DNER: variants seen among roughly 807,000 people sequenced by gnomAD.
DNER encodes the protein delta/notch like EGF repeat containing.
A neutral mutation model predicts 78.2 loss-of-function variants in DNER; 33 were observed. That is an observed-to-expected ratio of 0.42 (90% CI 0.32 to 0.56). DNER has a LOEUF of 0.56. Ranked by LOEUF, DNER falls within the 20% of genes least tolerant of loss-of-function variation. The pLI is 0.11. For missense variants in DNER, 918 were observed against 975.3 expected (o/e 0.94, Z 0.78); for synonymous variants, 417 against 384.8 (o/e 1.08, Z -0.98).
intron 4 of DNER, among the ~76,000 whole-genome samples, chr2:229,561,200 A>G (rs1696954146): frequency 6.6e-6 from 1 of 152,170 alleles, no homozygotes; most frequent in Admixed American, 6.5e-5. Context: ...AGAAGACACA[A>G]CAGTACATCC....
chr2:229,643,308 G>T (rs1176496849), intron 1 of DNER, among the ~76,000 whole-genome samples: 1 of 152,172 alleles, frequency 6.6e-6, no homozygotes, highest in Non-Finnish European at 1.5e-5. Context: ...TCCTTTATGG[G>T]CCTCAGTTTC....
chr2:229,589,479 C>A (rs948756976), intron 2 of DNER, among the ~76,000 whole-genome samples: 1 of 152,344 alleles, frequency 6.6e-6, no homozygotes, highest in Admixed American at 6.5e-5. Flanking sequence ...AGCATCATTA[C>A]TTCACAGAAA....
At position 229,555,799 on chromosome 2, in the gene DNER, A is replaced by T. The variant is rs866461859; in HGVS notation, c.848-8707T>A. Among the ~76,000 whole-genome samples, 150 of 150,970 alleles carry T rather than the reference A, an allele frequency of 9.9e-4. 1 individual carries two copies. Among genetic ancestry groups the T allele is most frequent in the African/African-American group, 3.5e-3 (142 of 40,772 alleles). On this transcript the variant is annotated intron_variant, in intron 4 of 12. Coordinates refer to ENST00000341772, the MANE Select transcript of DNER (RefSeq NM_139072.4). ...ATTCCAGTTTACTAAAAAAAAAAAA[A>T]TTGCTTACCAACTGGTGATTACCTT...
At chr2:229,515,224 T>C (rs1695946423) in intron 5 of DNER, among the ~76,000 whole-genome samples, 1 of 152,204 alleles carries the variant, frequency 6.6e-6, no homozygotes, top group Non-Finnish European at 1.5e-5. Flanking sequence ...AGAAAGGTAT[T>C]TTTTTAAAAC....
At chr2:229,469,059 T>A (rs1039724123) in intron 7 of DNER, among the ~76,000 whole-genome samples, 4 of 152,118 alleles carry the variant, frequency 2.6e-5, no homozygotes, top group African/African-American at 9.7e-5. Flanking sequence ...ATATGGGGAG[T>A]TTCCTCATAC....
chr2:229,371,632 T>G (rs1692485003), intron 11 of DNER, among the ~76,000 whole-genome samples: 1 of 152,192 alleles, frequency 6.6e-6, no homozygotes, highest in Admixed American at 6.5e-5. Context: ...TTGCTCAAGG[T>G]GAGGCAGACA....
intron 1 of DNER, among the ~76,000 whole-genome samples, chr2:229,643,838 C>T (rs1265161645): frequency 3.9e-5 from 6 of 152,192 alleles, no homozygotes; most frequent in African/African-American, 1.4e-4. Context: ...TGCTCCAAAG[C>T]AGTCCCTTCA....
At chr2:229,478,388 A>G (rs12464136) in intron 6 of DNER, among the ~76,000 whole-genome samples, 43,160 of 152,110 alleles carry the variant, frequency 0.28, 6,278 homozygotes, top group South Asian at 0.34. Flanking sequence ...CTGAGCTTCA[A>G]TTACCTGCCA....
At chr2:229,632,332 C>A in intron 1 of DNER, among the ~76,000 whole-genome samples, 1 of 152,156 alleles carries the variant, frequency 6.6e-6, no homozygotes, top group East Asian at 1.9e-4. Flanking sequence ...CACATTCAAT[C>A]TAAAGCTAAA....
chr2:229,526,623 T>C (rs1436802983), intron 5 of DNER, among the ~76,000 whole-genome samples: 2 of 152,194 alleles, frequency 1.3e-5, no homozygotes, highest in Admixed American at 6.5e-5. Context: ...CATGCGCAGT[T>C]CACAACAGGG....
intron 1 of DNER, among the ~76,000 whole-genome samples, chr2:229,610,908 T>A (rs1332423966): frequency 4.6e-5 from 7 of 152,262 alleles, no homozygotes; most frequent in Non-Finnish European, 1.0e-4. Flanking sequence ...TTATATTTTT[T>A]AAATTTTCAA....
Position 229,478,850 on chromosome 2 carries a change from G to A in DNER, c.1148-1597C>T, listed in dbSNP as rs138138103. ...GTTCCGGGGTACCTGTGCAGGATGC[G>A]CAGGTTTGTTACATAGGTAAACGTG... On this transcript the variant is annotated intron_variant, in intron 6 of 12. Transcript: ENST00000341772. Among the ~76,000 whole-genome samples the A allele has an allele frequency of 2.6e-3, 399 of 151,854 alleles. 2 individuals carry two copies. The highest frequency in any genetic ancestry group is 8.6e-3 in the African/African-American group (357 of 41,360).
At chr2:229,706,368 T>C (rs1416870516) in intron 1 of DNER, among the ~76,000 whole-genome samples, 3 of 126,662 alleles carry the variant, frequency 2.4e-5, no homozygotes, top group African/African-American at 9.0e-5. Context: ...CTGACCAACA[T>C]AGCAAAACCT....
At chr2:229,622,438 C>T (rs1698265504) in intron 1 of DNER, among the ~76,000 whole-genome samples, 1 of 152,156 alleles carries the variant, frequency 6.6e-6, no homozygotes, top group South Asian at 2.1e-4. Flanking sequence ...AGCAAGATAC[C>T]TGCTAATGTG....
At chr2:229,582,830 G>A (rs1697427660) in intron 4 of DNER, among the ~76,000 whole-genome samples, 1 of 151,902 alleles carries the variant, frequency 6.6e-6, no homozygotes, top group South Asian at 2.1e-4. Context: ...TAGTAGAGAC[G>A]GGGTTTCACC....
intron 1 of DNER, among the ~76,000 whole-genome samples, chr2:229,700,394 G>A (rs535883241): frequency 6.7e-6 from 1 of 150,078 alleles, no homozygotes. Context: ...GGAGTGCAGT[G>A]GTGTGATCTC....
chr2:229,606,674 C>G (rs1171292611), intron 1 of DNER, among the ~76,000 whole-genome samples: 1 of 152,096 alleles, frequency 6.6e-6, no homozygotes, highest in African/African-American at 2.4e-5. Context: ...AGGAGGATCA[C>G]TGGAGGTCAA....
intron 1 of DNER, among the ~76,000 whole-genome samples, chr2:229,596,205 T>C (rs1242880567): frequency 6.6e-6 from 1 of 152,182 alleles, no homozygotes; most frequent in Non-Finnish European, 1.5e-5. Flanking sequence ...TGAATGAATG[T>C]GAATGATGTT....
chr2:229,653,025 G>C (rs535124470), intron 1 of DNER, among the ~76,000 whole-genome samples: 1 of 152,294 alleles, frequency 6.6e-6, no homozygotes, highest in East Asian at 1.9e-4. Flanking sequence ...TATGGACTCT[G>C]ATGCCAGCAT....
Sources: gnomAD v4.1 joint callset for allele counts (sites outside exome capture counted in the v4.1 genomes callset) on GRCh38, gnomAD v4.1.1 for gene constraint, MANE v1.5 for transcripts, NCBI Gene and HGNC (gene_info 2026-07-23, HGNC 2026-07-21) for gene names.